RYR2: variants seen among roughly 807,000 people sequenced by gnomAD.
RYR2 encodes the protein ryanodine receptor 2.
A neutral mutation model predicts 601.1 loss-of-function variants in RYR2; 227 were observed. That is an observed-to-expected ratio of 0.38 (90% CI 0.34 to 0.42). The LOEUF is 0.42. RYR2 is among the 10% of genes least tolerant of loss of function. The pLI is 1.00. For missense variants in RYR2, 4,646 were observed against 6,156.5 expected (o/e 0.75, Z 8.21); for synonymous variants, 2,223 against 2,175.1 (o/e 1.02, Z -0.61).
chr1:237,569,125 C>A lies in RYR2; in HGVS notation c.3424-20C>A. On this transcript the variant is annotated intron_variant, in intron 28 of 104. Coordinates refer to ENST00000366574, the MANE Select transcript of RYR2 (RefSeq NM_001035.3). Reference sequence around the variant, plus strand: ...TCCTGGCTTAGTCTGTGACAAGGGACTTTTCTGTCCTCTGTATAGGCCCAG... The same window carrying A: ...TCCTGGCTTAGTCTGTGACAAGGGAATTTTCTGTCCTCTGTATAGGCCCAG... The A allele has an allele frequency of 3.1e-6, 5 of 1,594,626 alleles. No homozygotes were observed. The highest frequency in any genetic ancestry group is 1.1e-5 in the South Asian group (1 of 89,156).
In RYR2 at chr1:237,707,237, T is replaced by C; in HGVS notation, c.9869T>C (p.Ile3290Thr). The change falls in exon 68 of 105, where the codon ATT (isoleucine) becomes ACT (threonine). Residue 3290 changes from isoleucine (I) to threonine (T), a missense_variant. Ile to Thr is a moderately conservative substitution (Grantham distance 89). Transcript: ENST00000366574. Reference sequence around the variant, plus strand: ...AAAATCATATATAATAACTTGGGGATTGATGAGGGAGCCTGGATGAAGAGG... The same window carrying C: ...AAAATCATATATAATAACTTGGGGACTGATGAGGGAGCCTGGATGAAGAGG... ...ILKIIYNNLG[I>T]DEGAWMKRLA... is the part of the protein sequence containing the mutation. 6.4e-7 allele frequency: 1 copy of C among 1,565,262 alleles called. No individual in the cohort carries two copies. The highest frequency in any genetic ancestry group is 8.7e-7 in the Non-Finnish European group (1 of 1,147,728).
chr1:237,548,480 A>T lies in RYR2; in HGVS notation c.2956A>T (p.Ile986Phe). The change falls in exon 26 of 105, where the codon ATC (isoleucine) becomes TTC (phenylalanine). Residue 986 changes from isoleucine to phenylalanine, a missense_variant. Ile to Phe is a conservative substitution (Grantham distance 21, BLOSUM62 0). This residue lies in a region of RYR2 where 1,807 missense variants were observed against 2,088.1 expected (regional missense o/e 0.87). Transcript: ENST00000366574. ...YKPAPMDLSF[I>F]KLTPSQEAMV... is the part of the protein sequence containing the mutation. ...GCCTGCCCCTATGGACCTGAGCTTT[A>T]TCAAACTCACCCCATCACAAGAAGC... 2 of 1,614,012 alleles carry T rather than the reference A, an allele frequency of 1.2e-6. No individual in the cohort carries two copies. The highest frequency in any genetic ancestry group is 1.7e-6 in the Non-Finnish European group (2 of 1,179,886).
intron 1 of RYR2, among the ~76,000 whole-genome samples, chr1:237,190,295 A>T (rs1318896684): frequency 1.3e-5 from 2 of 152,122 alleles, no homozygotes; most frequent in Admixed American, 6.5e-5. Flanking sequence ...CTTTCTGTTG[A>T]TAGTGGCCAT....
intron 1 of RYR2, among the ~76,000 whole-genome samples, chr1:237,084,265 C>T (rs949387808): frequency 1.3e-5 from 2 of 152,194 alleles, no homozygotes; most frequent in African/African-American, 4.8e-5. Flanking sequence ...CTGTGTCAAG[C>T]TGGCTTCTCC....
rs79811945 is a variant in RYR2 at position 237,610,818 on chromosome 1, G to T, written c.4740G>T (p.Pro1580=). 1 of 1,611,834 alleles carries T rather than the reference G, an allele frequency of 6.2e-7. No individual in the cohort carries two copies. The highest frequency in any genetic ancestry group is 8.5e-7 in the Non-Finnish European group (1 of 1,179,204). ...AGAGTGAGCACAAGAACCCCGTGCCGCAGTGCCCCCCGCGCCTCCACGTGC... is the reference window on the plus strand; with the variant it reads ...AGAGTGAGCACAAGAACCCCGTGCCTCAGTGCCCCCCGCGCCTCCACGTGC... ...LFKSEHKNPV[P]QCPPRLHVQF... Residue 1580 remains proline, a synonymous_variant, in exon 36 of 105, where the codon CCG becomes CCT. Transcript: ENST00000366574. This position sits in a 1 kb window ranked among gnomAD's most constrained non-coding sequence, Gnocchi z 4.9.
chr1:237,108,218 C>T (rs1028947375), intron 1 of RYR2, among the ~76,000 whole-genome samples: 1 of 152,186 alleles, frequency 6.6e-6, no homozygotes, highest in Non-Finnish European at 1.5e-5. Flanking sequence ...GACCCAGAAC[C>T]TCCAGGAGAG....
intron 1 of RYR2, among the ~76,000 whole-genome samples, chr1:237,155,524 C>T (rs937735111): frequency 2.6e-5 from 4 of 151,746 alleles, no homozygotes; most frequent in African/African-American, 7.3e-5. Flanking sequence ...TTTTATTGAG[C>T]GGAAAGGATA....
chr1:237,223,531 G>A (rs968984262), intron 1 of RYR2, among the ~76,000 whole-genome samples: 1 of 152,132 alleles, frequency 6.6e-6, no homozygotes, highest in Admixed American at 6.5e-5. Context: ...CCTGTAGTTG[G>A]TATTTTTACT....
At chr1:237,595,706 C>T (rs779092407) in intron 34 of RYR2, 49 bp downstream of exon 34, 1 of 1,550,106 alleles carries the variant, frequency 6.5e-7, no homozygotes, top group Non-Finnish European at 8.7e-7. Context: ...AGACTTCTTT[C>T]CCCCATTAAA....
chr1:237,502,745 C>G (rs544671616), intron 21 of RYR2, among the ~76,000 whole-genome samples: 1 of 151,528 alleles, frequency 6.6e-6, no homozygotes, highest in African/African-American at 2.4e-5. Context: ...TGGTACCTGT[C>G]GTGGCCTGGG....
In RYR2 at chr1:237,140,867, A is replaced by G. The variant is rs186620233; in HGVS notation, c.48+98298A>G. On this transcript the variant is annotated intron_variant, in intron 1 of 104. Coordinates refer to ENST00000366574, the MANE Select transcript of RYR2 (RefSeq NM_001035.3). ...TACCCAGCCTCTTAGTATCCTTCAG[A>G]TATGCAGAGCTAGGCCGAGCTCAGT... Among the ~76,000 whole-genome samples, 359 of 152,290 alleles carry G rather than the reference A, an allele frequency of 2.4e-3. 5 individuals carry two copies. The highest frequency in any genetic ancestry group is 0.021 in the Admixed American group (315 of 15,300).
chr1:237,604,800 G>A (rs10925469), intron 35 of RYR2, among the ~76,000 whole-genome samples: 1 of 151,208 alleles, frequency 6.6e-6, no homozygotes, highest in Non-Finnish European at 1.5e-5. Flanking sequence ...ACACCTCTAT[G>A]CAAATAAACT....
At chr1:237,676,337 T>C (rs1685392509) in intron 60 of RYR2, among the ~76,000 whole-genome samples, 5 of 152,194 alleles carry the variant, frequency 3.3e-5, no homozygotes, top group Admixed American at 3.3e-4. Flanking sequence ...CTGAATAAAC[T>C]ACCTACTACA....
intron 10 of RYR2, among the ~76,000 whole-genome samples, chr1:237,405,513 G>A (rs1034970199): frequency 1.2e-4 from 18 of 152,094 alleles, no homozygotes; most frequent in Non-Finnish European, 2.2e-4. Context: ...TTCTTATTGC[G>A]TATGTCTGCG....
chr1:237,237,381 A>G (rs1572310481), intron 1 of RYR2, among the ~76,000 whole-genome samples: 1 of 152,218 alleles, frequency 6.6e-6, no homozygotes, highest in African/African-American at 2.4e-5. Context: ...TAAGCCTCCA[A>G]CTGACTGAAT....
At chr1:237,665,689 G>A (rs543839059) in intron 56 of RYR2, among the ~76,000 whole-genome samples, 5 of 152,288 alleles carry the variant, frequency 3.3e-5, no homozygotes, top group Non-Finnish European at 7.4e-5. Flanking sequence ...AAACTGACCC[G>A]TAAGTTAAGT....
rs527883543 is a variant in RYR2 at position 237,706,017 on chromosome 1, G to A, written c.9580+674G>A. On this transcript the variant is annotated intron_variant, in intron 67 of 104. Coordinates refer to ENST00000366574, the MANE Select transcript of RYR2 (RefSeq NM_001035.3). ...TGTAATCCCAGCACTTTGGGAGGCC[G>A]AAGTGGGTAGATCACGAGGTCAGGA... Among the ~76,000 whole-genome samples the A allele has an allele frequency of 3.9e-5, 6 of 152,212 alleles. No homozygotes were observed. In the East Asian group the frequency reaches 5.8e-4, roughly 15 times the overall value.
intron 87 of RYR2, 108 bp downstream of exon 87, chr1:237,773,756 T>G: frequency 1.3e-6 from 1 of 791,224 alleles, no homozygotes; most frequent in Non-Finnish European, 1.9e-6. Flanking sequence ...TGAGTTTCTT[T>G]GCAAATTGCT....
rs1227631556 is a variant in RYR2 at position 237,500,727 on chromosome 1, T to C, written c.2220T>C (p.Thr740=). Residue 740 remains threonine (T), a synonymous_variant, in exon 21 of 105, where the codon ACT becomes ACC. Transcript: ENST00000366574. ...CCCCAATAGGTTGTATTGCTCGTAC[T>C]GTAAGCTCACCAAACCAACATCTGT... ...LHLWSGCIAR[T]VSSPNQHLLR... is the part of the protein sequence containing the mutation. 1 of 1,610,434 alleles carries C rather than the reference T, an allele frequency of 6.2e-7. No individual in the cohort carries two copies. The highest frequency in any genetic ancestry group is 1.7e-5 in the Admixed American group (1 of 59,958).
Sources: allele counts gnomAD v4.1 joint callset (sites outside exome capture counted in the v4.1 genomes callset), GRCh38; gene constraint gnomAD v4.1.1; regional missense constraint gnomAD v4.1.1; non-coding constraint Gnocchi (gnomAD v3.1); transcripts MANE v1.5; gene names NCBI Gene and HGNC (gene_info 2026-07-23, HGNC 2026-07-21).